IGF2BP1: variants seen among roughly 807,000 people sequenced by gnomAD.
The protein encoded by IGF2BP1 is insulin like growth factor 2 mRNA binding protein 1.
IGF2BP1 carries 11 observed loss-of-function variants against 74.9 expected under a neutral mutation model. The observed-to-expected ratio is 0.15, with a 90% CI of 0.09 to 0.24. IGF2BP1 has a LOEUF of 0.24. Ranked by LOEUF, IGF2BP1 falls within the 10% of genes least tolerant of loss-of-function variation. IGF2BP1 has a pLI of 1.00. For synonymous variants in IGF2BP1, 287 were observed against 281.8 expected, an observed-to-expected ratio of 1.02 and a Z score of -0.18; for missense variants, 440 against 757.4, an observed-to-expected ratio of 0.58 and a Z score of 4.92.
intron 5 of IGF2BP1, chr17:49,036,564 TCCTCA>T (rs2041991359): frequency 6.6e-6 from 1 of 152,144 alleles, no homozygotes; most frequent in Non-Finnish European, 1.5e-5. Context: ...TTAGAAGAAT[TCCTCA>T]ATTGCTGCTT....
intron 4 of IGF2BP1, among the ~76,000 whole-genome samples, chr17:49,030,014 A>G (rs976544718): frequency 2.0e-5 from 3 of 152,102 alleles, no homozygotes; most frequent in Admixed American, 6.5e-5. Context: ...GATGGGATCA[A>G]TGACTAGCAT....
chr17:49,055,836 G>GTT lies in IGF2BP1; in HGVS notation c.*6413_*6414dup, dbSNP rs59508101. Among the ~76,000 whole-genome samples, 11,037 of 125,682 alleles carry GTT rather than the reference G, an allele frequency of 0.088. 600 individuals carry two copies. Among genetic ancestry groups the GTT allele is most frequent in the African/African-American group, 0.14 (4,651 of 32,488 alleles). 82.5% of individuals were successfully genotyped at this position (125,682 alleles called of 152,430 possible). A position where few individuals can be genotyped will look rare whatever the true frequency, so the allele number is the denominator to read the frequency against. ...AGCTGGAGGCCTACTGCTTGGGACAGTTTTTTTTTTTTTTTTTTTTTTAAA... is the reference window on the plus strand; with the variant it reads ...AGCTGGAGGCCTACTGCTTGGGACAGTTTTTTTTTTTTTTTTTTTTTTTTAAA... On this transcript the variant is annotated 3_prime_UTR_variant, in exon 15 of 15. Transcript: ENST00000290341.
At chr17:49,046,525 C>G (rs58631313) in intron 14 of IGF2BP1, 152 bp downstream of exon 14, 25,254 of 606,514 alleles carry the variant, frequency 0.042, 762 homozygotes, top group East Asian at 0.1. Context: ...TGCCCTCTTT[C>G]AGGTGCAGAA....
Position 49,030,341 on chromosome 17 carries a change from C to T in IGF2BP1, c.338-1569C>T, listed in dbSNP as rs11650631. Among the ~76,000 whole-genome samples the T allele has an allele frequency of 6.2e-3, 950 of 152,160 alleles. 7 individuals are homozygous for T. Among genetic ancestry groups the T allele is most frequent in the Middle Eastern group, 0.034 (10 of 294 alleles). On this transcript the variant is annotated intron_variant, in intron 4 of 14. Coordinates refer to ENST00000290341, the MANE Select transcript of IGF2BP1 (RefSeq NM_006546.4). ...ATTTTCAGTGGAGACTGGGTTTTGC[C>T]GTGTTGGCCAGGCTGGTCTTGAACT...
At chr17:49,009,937 G>A (rs2041596510) in intron 2 of IGF2BP1, among the ~76,000 whole-genome samples, 1 of 151,776 alleles carries the variant, frequency 6.6e-6, no homozygotes, top group South Asian at 2.1e-4. Context: ...AAAATTAGTC[G>A]GGCGTGGTGG....
intron 2 of IGF2BP1, among the ~76,000 whole-genome samples, chr17:49,004,088 G>GGCAATCTC (rs1283692328): frequency 6.6e-6 from 1 of 151,794 alleles, no homozygotes; most frequent in African/African-American, 2.4e-5. Context: ...GTCCCAGCCC[G>GGCAATCTC]GCAATCTCGT....
chr17:49,025,766 G>T (rs929943992), intron 3 of IGF2BP1, 100 bp downstream of exon 3: 1 of 1,036,254 alleles, frequency 9.7e-7, no homozygotes, highest in African/African-American at 1.6e-5. Flanking sequence ...GGAGGTCTGG[G>T]GCCAGGCTAG....
intron 5 of IGF2BP1, among the ~76,000 whole-genome samples, chr17:49,036,072 A>T (rs1383414718): frequency 6.6e-6 from 1 of 151,336 alleles, no homozygotes; most frequent in Non-Finnish European, 1.5e-5. Flanking sequence ...AGCTGGGCCA[A>T]CTGGTGCGGG....
intron 2 of IGF2BP1, among the ~76,000 whole-genome samples, chr17:49,010,255 C>A (rs1211378356): frequency 1.3e-5 from 2 of 149,964 alleles, no homozygotes; most frequent in African/African-American, 4.9e-5. Context: ...TGCTGTGATT[C>A]AAAAAATGGC....
intron 14 of IGF2BP1, 118 bp from the exon 15 acceptor site, chr17:49,049,234 T>G (rs2042139412): frequency 6.7e-6 from 5 of 741,132 alleles, no homozygotes; most frequent in African/African-American, 1.8e-5. Context: ...ATCTTTCTTC[T>G]GAGTCCTGTG....
rs989804956 is a variant in IGF2BP1 at position 49,056,014 on chromosome 17, A to T, written c.*6570A>T. 3.3e-5 allele frequency among the ~76,000 whole-genome samples: 5 copies of T among 151,746 alleles called. No homozygotes were observed. Among genetic ancestry groups the T allele is most frequent in the Non-Finnish European group, 7.4e-5 (5 of 67,950 alleles). On this transcript the variant is annotated 3_prime_UTR_variant, in exon 15 of 15. Coordinates refer to ENST00000290341, the MANE Select transcript of IGF2BP1 (RefSeq NM_006546.4). ...GGGGGAGGTGGGGCAGCTGGCTCAC[A>T]CGTTGGAGTTTGTTCTTTGATGGAT...
intron 5 of IGF2BP1, among the ~76,000 whole-genome samples, chr17:49,033,312 CT>C (rs1266636987): frequency 6.6e-6 from 1 of 151,610 alleles, no homozygotes; most frequent in Non-Finnish European, 1.5e-5. Context: ...CCATGCCCGG[CT>C]GGCTAATTTT....
rs758397448 is a variant in IGF2BP1, at chr17:49,046,275, A to T, written c.1543A>T (p.Asn515Tyr). 6.2e-6 allele frequency: 10 copies of T among 1,614,040 alleles called. No homozygotes were observed. The highest frequency in any genetic ancestry group is 8.5e-6 in the Non-Finnish European group (10 of 1,179,952). Residue 515 changes from asparagine (N) to tyrosine (Y), a missense_variant, in exon 14 of 15, where the codon AAT (asparagine) becomes TAT (tyrosine). This residue lies in a region of IGF2BP1 where 117 missense variants were observed against 237.2 expected (regional missense o/e 0.49). Coordinates refer to ENST00000290341, the MANE Select transcript of IGF2BP1 (RefSeq NM_006546.4). ...CCACCCCCAGGTGAACGAGTTGCAGAATTTGACGGCAGCTGAGGTGGTAGT... is the reference window on the plus strand; with the variant it reads ...CCACCCCCAGGTGAACGAGTTGCAGTATTTGACGGCAGCTGAGGTGGTAGT... ...KGGKTVNELQ[N>Y]LTAAEVVVPR...
intron 2 of IGF2BP1, chr17:49,014,708 A>AGCGGCCGCCACTTATGGACAC: frequency 1.1e-6 from 1 of 923,170 alleles, no homozygotes; most frequent in Non-Finnish European, 1.3e-6. Context: ...GCTACTGCGC[A>AGCGGCCGCCACTTATGGACAC]GCGGCCGCCA....
intron 5 of IGF2BP1, chr17:49,037,284 A>G (rs980185654): frequency 2.2e-6 from 1 of 461,486 alleles, no homozygotes. Context: ...CTGGAAAGAA[A>G]ATTCTCTATT....
chr17:49,029,963 C>G (rs1331265679), intron 4 of IGF2BP1, among the ~76,000 whole-genome samples: 1 of 152,012 alleles, frequency 6.6e-6, no homozygotes, highest in Non-Finnish European at 1.5e-5. Flanking sequence ...ATTCTAATGT[C>G]AGCTTGCCAA....
chr17:49,049,259 T>C (rs1417072987), intron 14 of IGF2BP1, 93 bp from the exon 15 acceptor site: 2 of 974,106 alleles, frequency 2.1e-6, no homozygotes, highest in Non-Finnish European at 3.2e-6. Flanking sequence ...CTGTTCTGTT[T>C]ATTGCCTGTG....
chr17:49,036,465 AT>A (rs1330728013), intron 5 of IGF2BP1: 2 of 151,854 alleles, frequency 1.3e-5, no homozygotes, highest in African/African-American at 2.4e-5. Context: ...AAATAAAAAA[AT>A]AAAAAATAAT....
At chr17:49,003,117 A>G (rs1220975662) in intron 2 of IGF2BP1, among the ~76,000 whole-genome samples, 1 of 152,188 alleles carries the variant, frequency 6.6e-6, no homozygotes, top group African/African-American at 2.4e-5. Flanking sequence ...GAAAAGGTAA[A>G]GTTTTAATGG....
Sources: gnomAD v4.1 joint callset for allele counts (sites outside exome capture counted in the v4.1 genomes callset) on GRCh38, gnomAD v4.1.1 for gene constraint, gnomAD v4.1.1 regional missense constraint, MANE v1.5 for transcripts, NCBI Gene and HGNC (gene_info 2026-07-23, HGNC 2026-07-21) for gene names.